UST: variants seen among roughly 807,000 people sequenced by gnomAD.
The protein encoded by UST is uronyl 2-sulfotransferase.
Under a neutral mutation model 45.6 loss-of-function variants are expected in UST, and 21 were observed. The observed-to-expected ratio is 0.46, with a 90% CI of 0.33 to 0.66. UST has a LOEUF of 0.66. UST is among the 30% of genes least tolerant of loss of function. The pLI, the probability that UST is intolerant of heterozygous loss-of-function variation, is 0.02. For missense variants in UST, 463 were observed against 512.4 expected, an observed-to-expected ratio of 0.90 and a Z score of 0.93; for synonymous variants, 215 against 200.6, an observed-to-expected ratio of 1.07 and a Z score of -0.61.
intron 1 of UST, among the ~76,000 whole-genome samples, chr6:148,774,242 C>A (rs1050718958): frequency 1.3e-5 from 2 of 149,676 alleles, no homozygotes; most frequent in Non-Finnish European, 3.0e-5. Context: ...ACTCTCCATT[C>A]CTGTCTGTTA....
chr6:148,857,409 A>G (rs922142491), intron 1 of UST, among the ~76,000 whole-genome samples: 1 of 152,202 alleles, frequency 6.6e-6, no homozygotes, highest in Non-Finnish European at 1.5e-5. Flanking sequence ...GCCCACCGTA[A>G]GTTCTGCCAA....
intron 5 of UST, among the ~76,000 whole-genome samples, chr6:148,969,323 A>G (rs972838169): frequency 6.6e-6 from 1 of 152,226 alleles, no homozygotes; most frequent in East Asian, 1.9e-4. Flanking sequence ...ATGTTTTCCA[A>G]ATACGTGACG....
At chr6:148,919,001 C>T (rs893099839) in intron 2 of UST, among the ~76,000 whole-genome samples, 1 of 152,060 alleles carries the variant, frequency 6.6e-6, no homozygotes, top group Admixed American at 6.6e-5. Flanking sequence ...TTTTGATTCC[C>T]ACCACCATCT....
In UST at chr6:149,021,421, T is replaced by C; in HGVS notation, c.877T>C (p.Leu293=). ...ILEELEDVLL[L]LERFLPHYFK... ...TGAAGAGTTGGAAGATGTGCTGCTG[T>C]TACTGGAAAGATTTTTACCTCATTA... The change falls in exon 7 of 8, where the codon TTA becomes CTA. Residue 293 remains leucine (L), a synonymous_variant. Coordinates refer to ENST00000367463, the MANE Select transcript of UST (RefSeq NM_005715.3). The C allele has an allele frequency of 6.2e-7, 1 of 1,614,222 alleles. No individual in the cohort carries two copies. Among genetic ancestry groups the C allele is most frequent in the Non-Finnish European group, 8.5e-7 (1 of 1,180,044 alleles).
intron 5 of UST, among the ~76,000 whole-genome samples, chr6:148,999,101 T>C (rs1057309856): frequency 6.6e-6 from 1 of 152,252 alleles, no homozygotes; most frequent in Admixed American, 6.5e-5. Context: ...CATGCAGATA[T>C]CTAGCAAGAA....
At chr6:149,005,343 G>A (rs2486387) in intron 5 of UST, 15 of 985,060 alleles carry the variant, frequency 1.5e-5, no homozygotes, top group Non-Finnish European at 1.8e-5. Context: ...GGCCCTGGCT[G>A]TAGAGGAAAG....
intron 1 of UST, among the ~76,000 whole-genome samples, chr6:148,858,670 C>T (rs1020974475): frequency 3.3e-5 from 5 of 152,084 alleles, no homozygotes; most frequent in African/African-American, 7.2e-5. Context: ...ACAACAGGCC[C>T]GGGCGTGTGA....
At chr6:148,756,536 A>G (rs1776102667) in intron 1 of UST, among the ~76,000 whole-genome samples, 2 of 152,190 alleles carry the variant, frequency 1.3e-5, no homozygotes, top group African/African-American at 2.4e-5. Flanking sequence ...AATTTCCCCA[A>G]AACTGCCACT....
chr6:148,919,079 A>G (rs1215356642), intron 2 of UST, among the ~76,000 whole-genome samples: 1 of 152,130 alleles, frequency 6.6e-6, no homozygotes, highest in Non-Finnish European at 1.5e-5. Flanking sequence ...AGAAAAATGA[A>G]ACTGAACCCC....
intron 7 of UST, among the ~76,000 whole-genome samples, chr6:149,028,134 G>A (rs140750692): frequency 1.2e-4 from 18 of 152,192 alleles, no homozygotes; most frequent in African/African-American, 3.4e-4. Context: ...GTGATCCACC[G>A]CGCCCGGCCT....
chr6:148,830,170 A>G (rs181034711), intron 1 of UST, among the ~76,000 whole-genome samples: 2 of 152,334 alleles, frequency 1.3e-5, no homozygotes, highest in Non-Finnish European at 2.9e-5. Context: ...TGAATTGCTC[A>G]AAGTTCAGAC....
chr6:149,071,729 T>C (rs1776821079), intron 7 of UST, among the ~76,000 whole-genome samples: 1 of 152,180 alleles, frequency 6.6e-6, no homozygotes, highest in Non-Finnish European at 1.5e-5. Context: ...ATACCTGATA[T>C]ATGTGCAGAT....
chr6:148,760,425 G>A (rs865793966), intron 1 of UST, among the ~76,000 whole-genome samples: 5 of 152,176 alleles, frequency 3.3e-5, no homozygotes, highest in Admixed American at 6.5e-5. Flanking sequence ...TCACAGTGTG[G>A]TGAGCTACTC....
At chr6:149,052,266 T>C (rs1776498271) in intron 7 of UST, among the ~76,000 whole-genome samples, 1 of 152,210 alleles carries the variant, frequency 6.6e-6, no homozygotes, top group African/African-American at 2.4e-5. Flanking sequence ...AGTGGCAGAA[T>C]ACTGATGTTT....
chr6:148,780,319 G>A (rs1232265250), intron 1 of UST, among the ~76,000 whole-genome samples: 1 of 152,042 alleles, frequency 6.6e-6, no homozygotes, highest in African/African-American at 2.4e-5. Context: ...AGGTACATGT[G>A]CAGGTTTGTT....
intron 2 of UST, among the ~76,000 whole-genome samples, chr6:148,938,185 T>C (rs979429): frequency 0.52 from 78,560 of 152,022 alleles, 20,534 homozygotes; most frequent in South Asian, 0.62. Context: ...TTAGTGAAAT[T>C]GTTGTGTTAA....
chr6:148,969,959 C>T (rs774328738), intron 5 of UST, among the ~76,000 whole-genome samples: 4 of 152,206 alleles, frequency 2.6e-5, no homozygotes, highest in Non-Finnish European at 4.4e-5. Context: ...CATATACACG[C>T]GCACTCTCCC....
At chr6:148,928,892 A>T (rs771384031) in intron 2 of UST, among the ~76,000 whole-genome samples, 5 of 152,200 alleles carry the variant, frequency 3.3e-5, no homozygotes, top group Non-Finnish European at 5.9e-5. Flanking sequence ...ATCTCATTTC[A>T]GTGTGGGAAG....
chr6:148,852,442 C>G (rs1223915903), intron 1 of UST, among the ~76,000 whole-genome samples: 3 of 152,166 alleles, frequency 2.0e-5, no homozygotes, highest in East Asian at 3.8e-4. Flanking sequence ...TGTTCATGTT[C>G]CATTGAGGCT....
Sources: allele counts gnomAD v4.1 joint callset (sites outside exome capture counted in the v4.1 genomes callset), GRCh38; gene constraint gnomAD v4.1.1; transcripts MANE v1.5; gene names NCBI Gene and HGNC (gene_info 2026-07-23, HGNC 2026-07-21).